ZCWPW2: variants seen among roughly 807,000 people sequenced by gnomAD.
ZCWPW2 encodes zinc finger CW-type PWWP domain protein 2.
Under a neutral mutation model 46.6 loss-of-function variants are expected in ZCWPW2, and 45 were observed. The observed-to-expected ratio is 0.96, with a 90% CI of 0.76 to 1.24. ZCWPW2 has a LOEUF of 1.24. Ranked by LOEUF, ZCWPW2 falls within the 50% of genes most tolerant of loss-of-function variation. The pLI is 0.00. For synonymous variants in ZCWPW2, 152 were observed against 137.1 expected (o/e 1.11, Z -0.76); for missense variants, 429 against 403.9 (o/e 1.06, Z -0.53).
intron 3 of ZCWPW2, among the ~76,000 whole-genome samples, chr3:28,425,460 T>C (rs1696968503): frequency 6.6e-6 from 1 of 152,184 alleles, no homozygotes; most frequent in Non-Finnish European, 1.5e-5. Flanking sequence ...AAGCCATAGA[T>C]GTTGAAGCTC....
At chr3:28,503,453 C>CTGGAATATT (rs1288425651) in intron 6 of ZCWPW2, among the ~76,000 whole-genome samples, 1 of 152,102 alleles carries the variant, frequency 6.6e-6, no homozygotes, top group African/African-American at 2.4e-5. Flanking sequence ...CCTCTGAAGT[C>CTGGAATATT]TGGAATATTT....
rs1235044218 is a variant in ZCWPW2 at position 28,453,837 on chromosome 3, AT to A, written c.492+18576del. 1.9e-4 allele frequency among the ~76,000 whole-genome samples: 26 copies of A among 138,822 alleles called. No homozygotes were observed. The South Asian group carries it at 3.7e-3, about 20-fold the overall frequency. The allele number at this position is 138,822 out of a possible 152,430, so 91.1% of individuals were successfully genotyped here. A position where few individuals can be genotyped will look rare whatever the true frequency, so the allele number is the denominator to read the frequency against. On this transcript the variant is annotated intron_variant, in intron 4 of 9. Transcript: ENST00000383768. ...TTTATTTATTTATTTATTTATTTTTATTTTTTTTATTATTATTTTTTTTTTG... is the reference window on the plus strand; with the variant it reads ...TTTATTTATTTATTTATTTATTTTTATTTTTTTATTATTATTTTTTTTTTG...
intron 2 of ZCWPW2, among the ~76,000 whole-genome samples, chr3:28,406,713 C>T (rs1696175289): frequency 6.6e-6 from 1 of 152,126 alleles, no homozygotes; most frequent in African/African-American, 2.4e-5. Flanking sequence ...GGTTTTTCCA[C>T]CCTCGCCTGC....
intron 3 of ZCWPW2, among the ~76,000 whole-genome samples, chr3:28,420,726 A>T (rs1422177651): frequency 6.6e-6 from 1 of 151,966 alleles, no homozygotes; most frequent in Non-Finnish European, 1.5e-5. Context: ...TTTTTACCAT[A>T]ACAACTTTAT....
intron 2 of ZCWPW2, among the ~76,000 whole-genome samples, chr3:28,395,124 A>G (rs560552072): frequency 1.1e-4 from 17 of 152,152 alleles, no homozygotes; most frequent in Non-Finnish European, 2.4e-4. Context: ...ACCAAAGAAG[A>G]CATATGAATG....
chr3:28,413,242 G>T lies in ZCWPW2; in HGVS notation c.174G>T (p.Trp58Cys). 1 of 1,613,332 alleles carries T rather than the reference G, an allele frequency of 6.2e-7. No individual in the cohort carries two copies. Among genetic ancestry groups the T allele is most frequent in the Non-Finnish European group, 8.5e-7 (1 of 1,179,540 alleles). ...CCAAGGTTGATCATGATGAACCATG[G>T]TACTGCTTCATGAACACTGATTCAA... ...DSAKVDHDEPWYCFMNTDSRY... is the reference protein window; with the variant it reads ...DSAKVDHDEPCYCFMNTDSRY... Residue 58 changes from tryptophan (W) to cysteine (C), a missense_variant, in exon 3 of 10, where the codon TGG (tryptophan) becomes TGT (cysteine). By Grantham distance (215) the Trp-to-Cys change is radical. Transcript: ENST00000383768.
chr3:28,468,791 C>T (rs985937204), intron 4 of ZCWPW2, among the ~76,000 whole-genome samples: 2 of 152,110 alleles, frequency 1.3e-5, no homozygotes, highest in Non-Finnish European at 2.9e-5. Flanking sequence ...TTCCTCAACA[C>T]CAGACCTGTC....
intron 1 of ZCWPW2, among the ~76,000 whole-genome samples, chr3:28,364,490 C>T (rs1240945360): frequency 6.6e-6 from 1 of 152,050 alleles, no homozygotes; most frequent in Non-Finnish European, 1.5e-5. Context: ...AGTGGGATTG[C>T]TGGATCAAAT....
chr3:28,518,885 A>G (rs1175590723), intron 8 of ZCWPW2, among the ~76,000 whole-genome samples: 3 of 152,190 alleles, frequency 2.0e-5, no homozygotes, highest in Non-Finnish European at 4.4e-5. Flanking sequence ...ATCTATTAAC[A>G]GGTTACTAAA....
intron 6 of ZCWPW2, among the ~76,000 whole-genome samples, chr3:28,500,903 G>T (rs1322191464): frequency 6.6e-6 from 1 of 152,144 alleles, no homozygotes; most frequent in Non-Finnish European, 1.5e-5. Context: ...CTTGGGAAGA[G>T]TTGCAGTCAG....
At chr3:28,484,293 T>C (rs1699523060) in intron 5 of ZCWPW2, among the ~76,000 whole-genome samples, 1 of 152,138 alleles carries the variant, frequency 6.6e-6, no homozygotes. Flanking sequence ...CTACCTTGCA[T>C]TGAATGAGTT....
chr3:28,520,611 A>C (rs1036780938), intron 8 of ZCWPW2, among the ~76,000 whole-genome samples: 22 of 152,192 alleles, frequency 1.4e-4, no homozygotes, highest in Non-Finnish European at 2.6e-4. Flanking sequence ...TCTGGCTCCC[A>C]AAGCCTGAAA....
intron 3 of ZCWPW2, 110 bp downstream of exon 3, chr3:28,413,510 AT>A: frequency 1.0e-6 from 1 of 954,814 alleles, no homozygotes; most frequent in Non-Finnish European, 1.5e-6. Flanking sequence ...TTGTTTCTTG[AT>A]TTATCATTGC....
chr3:28,472,079 A>C (rs1699058479), intron 4 of ZCWPW2, among the ~76,000 whole-genome samples: 1 of 152,234 alleles, frequency 6.6e-6, no homozygotes, highest in South Asian at 2.1e-4. Context: ...ATTGGAGGAC[A>C]GAAAAAAATG....
chr3:28,487,382 C>G (rs552362461), intron 5 of ZCWPW2, among the ~76,000 whole-genome samples: 1 of 151,942 alleles, frequency 6.6e-6, no homozygotes, highest in Non-Finnish European at 1.5e-5. Context: ...TCAGCCATGT[C>G]GAGTCTACTG....
chr3:28,358,905 CAATTT>C (rs1035166060), intron 1 of ZCWPW2, among the ~76,000 whole-genome samples: 8 of 151,862 alleles, frequency 5.3e-5, no homozygotes, highest in East Asian at 1.9e-4. Context: ...GTTTTCCTAA[CAATTT>C]AATTTATTTA....
chr3:28,496,559 G>A (rs1459501084), intron 6 of ZCWPW2, among the ~76,000 whole-genome samples: 3 of 151,876 alleles, frequency 2.0e-5, no homozygotes, highest in African/African-American at 7.3e-5. Context: ...TATTGACAAG[G>A]TAGCCTCATT....
intron 2 of ZCWPW2, among the ~76,000 whole-genome samples, chr3:28,411,213 T>G (rs1696384290): frequency 1.3e-5 from 2 of 151,944 alleles, no homozygotes; most frequent in South Asian, 4.1e-4. Context: ...ACAAATATAG[T>G]TTATTATTCA....
chr3:28,480,091 G>A (rs1290209548), intron 5 of ZCWPW2, among the ~76,000 whole-genome samples: 1 of 152,122 alleles, frequency 6.6e-6, no homozygotes, highest in African/African-American at 2.4e-5. Context: ...ACCCAGTAAT[G>A]AGATTGCTGG....
Sources: allele counts gnomAD v4.1 joint callset (sites outside exome capture counted in the v4.1 genomes callset), GRCh38; gene constraint gnomAD v4.1.1; transcripts MANE v1.5; gene names NCBI Gene and HGNC (gene_info 2026-07-23, HGNC 2026-07-21).